Variants in TOM1 observed in about 807,000 individuals in gnomAD.
The protein encoded by TOM1 is target of Myb protein 1.
TOM1 carries 38 observed loss-of-function variants against 61.3 expected under a neutral mutation model. That is an observed-to-expected ratio of 0.62 (90% CI 0.48 to 0.81). The LOEUF (loss-of-function observed/expected upper bound fraction) is 0.81. Ranked by LOEUF, TOM1 falls within the 40% of genes least tolerant of loss-of-function variation. The pLI, the probability that TOM1 is intolerant of heterozygous loss-of-function variation, is 0.00. For missense variants in TOM1, 591 were observed against 659.6 expected (o/e 0.90, Z 1.14); for synonymous variants, 270 against 268.8 (o/e 1.00, Z -0.04).
chr22:35,339,912 A>C lies in TOM1; in HGVS notation c.1224+1124A>C, dbSNP rs1163893023. On this transcript the variant is annotated intron_variant, in intron 12 of 14. Coordinates refer to ENST00000449058, the MANE Select transcript of TOM1 (RefSeq NM_005488.3). Reference sequence around the variant, plus strand: ...GAGCGAGACTCCGTCTCAAAAAAAAAAAAAAGAGCGGACCCTAAAGCAGCG... The same window carrying C: ...GAGCGAGACTCCGTCTCAAAAAAAACAAAAAGAGCGGACCCTAAAGCAGCG... Among the ~76,000 whole-genome samples the C allele has an allele frequency of 5.9e-5, 9 of 151,620 alleles. No individual in the cohort carries two copies. In the South Asian group the frequency reaches 6.2e-4, roughly 11 times the overall value.
At position 35,323,408 on chromosome 22, in the gene TOM1, A is replaced by G. The variant is rs1000147599; in HGVS notation, c.367-88A>G. 14 of 1,513,670 alleles carry G rather than the reference A, an allele frequency of 9.2e-6. No individual in the cohort carries two copies. The highest frequency in any genetic ancestry group is 1.2e-5 in the Non-Finnish European group (14 of 1,128,432). 93.8% of individuals were successfully genotyped at this position (1,513,670 alleles called of 1,614,324 possible). A position where few individuals can be genotyped will look rare whatever the true frequency, so the allele number is the denominator to read the frequency against. On this transcript the variant is annotated intron_variant, in intron 4 of 14. Coordinates refer to ENST00000449058, the MANE Select transcript of TOM1 (RefSeq NM_005488.3). This position sits in a 1 kb window ranked among gnomAD's most constrained non-coding sequence, Gnocchi z 4.2. ...GTTAAAAAAAAAAAAAAAGCAGGGA[A>G]AGAATGTCTGTTCTCTGTCTGAGTG...
chr22:35,305,444 G>A (rs1003520276), intron 1 of TOM1, among the ~76,000 whole-genome samples: 2 of 152,118 alleles, frequency 1.3e-5, no homozygotes, highest in South Asian at 2.1e-4. Flanking sequence ...GGTGGATCAC[G>A]AGGTCAAGAA....
At chr22:35,299,832 T>G (rs1174737652), upstream of TOM1, 24 of 1,386,136 alleles carry the variant, frequency 1.7e-5, no homozygotes, top group South Asian at 6.2e-5. Flanking sequence ...CGCCCACGCC[T>G]CCTCGCCGGC....
chr22:35,312,961 C>G (rs1393223297), intron 1 of TOM1, among the ~76,000 whole-genome samples: 1 of 152,174 alleles, frequency 6.6e-6, no homozygotes, highest in Non-Finnish European at 1.5e-5. Flanking sequence ...TGAGCCAGAG[C>G]TGTCTCAGTG....
Position 35,330,423 on chromosome 22 carries a change from CAGA to C in TOM1, c.843_845del (p.Glu283del), listed in dbSNP as rs773398404. 3.7e-6 allele frequency: 6 copies of C among 1,613,318 alleles called. No homozygotes were observed. Among genetic ancestry groups the C allele is most frequent in the Non-Finnish European group, 4.2e-6 (5 of 1,179,544 alleles). ...CCTCAGATCGCCAATGAGCAGCTGA[CAGA>C]GGAGCTGCTCATCGTCAATGACAAT... On this transcript the variant is annotated inframe_deletion, in exon 8 of 15. Coordinates refer to ENST00000449058, the MANE Select transcript of TOM1 (RefSeq NM_005488.3).
At chr22:35,316,932 G>A (rs1431781299) in intron 1 of TOM1, among the ~76,000 whole-genome samples, 1 of 151,946 alleles carries the variant, frequency 6.6e-6, no homozygotes, top group Non-Finnish European at 1.5e-5. Flanking sequence ...TGGGTGGCTC[G>A]GCATCGGTCC....
Position 35,323,350 on chromosome 22 carries a change from G to C in TOM1, c.367-146G>C. The C allele has an allele frequency of 7.4e-7, 1 of 1,349,200 alleles. No homozygotes were observed. 83.6% of individuals were successfully genotyped at this position (1,349,200 alleles called of 1,614,324 possible). A position where few individuals can be genotyped will look rare whatever the true frequency, so the allele number is the denominator to read the frequency against. On this transcript the variant is annotated intron_variant, in intron 4 of 14. Coordinates refer to ENST00000449058, the MANE Select transcript of TOM1 (RefSeq NM_005488.3). The surrounding 1 kb of genome is among the most constrained non-coding windows in gnomAD (Gnocchi z 4.2). ...GTGGGGAGGGAGGCTTGCCAACTGC[G>C]TGCTTTGCTGTGGAGTGGGCAGGGC...
intron 12 of TOM1, among the ~76,000 whole-genome samples, chr22:35,340,884 C>T (rs1373494561): frequency 6.6e-6 from 1 of 152,230 alleles, no homozygotes; most frequent in Non-Finnish European, 1.5e-5. Context: ...ATTCCCAAGT[C>T]AGAACAGGGC....
chr22:35,342,729 C>G (rs530423334), intron 12 of TOM1, among the ~76,000 whole-genome samples: 1 of 151,222 alleles, frequency 6.6e-6, no homozygotes, highest in South Asian at 2.1e-4. Flanking sequence ...CCTCCACACA[C>G]CACACCTCCA....
chr22:35,323,398 AAAG>A lies in TOM1; in HGVS notation c.367-97_367-95del. 1 of 1,496,474 alleles carries A rather than the reference AAAG, an allele frequency of 6.7e-7. No individual in the cohort carries two copies. Among genetic ancestry groups the A allele is most frequent in the South Asian group, 1.3e-5 (1 of 78,136 alleles). 92.7% of individuals were successfully genotyped at this position (1,496,474 alleles called of 1,614,324 possible). On this transcript the variant is annotated intron_variant, in intron 4 of 14. Coordinates refer to ENST00000449058, the MANE Select transcript of TOM1 (RefSeq NM_005488.3). This position sits in a 1 kb window ranked among gnomAD's most constrained non-coding sequence, Gnocchi z 4.2. ...GGCAGATGTAGTTAAAAAAAAAAAA[AAAG>A]CAGGGAAAGAATGTCTGTTCTCTGT...
intron 8 of TOM1, among the ~76,000 whole-genome samples, chr22:35,332,258 C>A (rs1199975320): frequency 6.6e-6 from 1 of 152,068 alleles, no homozygotes; most frequent in African/African-American, 2.4e-5. Flanking sequence ...GACTGAGGGG[C>A]CCCATCTGGT....
In TOM1 at chr22:35,317,669, G is replaced by A. The variant is rs557130241; in HGVS notation, c.53-208G>A. ...ATCCATTGAAGAGCAGAGGTACTCCGGCCTCAGTGGCTACAAGAATCTAGT... is the reference window on the plus strand; with the variant it reads ...ATCCATTGAAGAGCAGAGGTACTCCAGCCTCAGTGGCTACAAGAATCTAGT... On this transcript the variant is annotated intron_variant, in intron 1 of 14. Coordinates refer to ENST00000449058, the MANE Select transcript of TOM1 (RefSeq NM_005488.3). Among the ~76,000 whole-genome samples the A allele has an allele frequency of 3.3e-5, 5 of 152,026 alleles. No homozygotes were observed. The East Asian group carries it at 7.7e-4, about 23-fold the overall frequency.
chr22:35,343,124 C>CCA (rs1166673154), intron 12 of TOM1, among the ~76,000 whole-genome samples: 1 of 129,934 alleles, frequency 7.7e-6, no homozygotes, highest in East Asian at 2.5e-4. Flanking sequence ...CCCACACACA[C>CCA]CACACACACA....
intron 2 of TOM1, among the ~76,000 whole-genome samples, chr22:35,321,157 C>T (rs1455083246): frequency 6.6e-5 from 10 of 151,916 alleles, no homozygotes; most frequent in Non-Finnish European, 1.0e-4. Flanking sequence ...TGAGACCAGC[C>T]TGGGCAACAT....
At chr22:35,327,239 C>T in intron 6 of TOM1, 32 bp from the exon 7 acceptor site, 1 of 1,599,502 alleles carries the variant, frequency 6.3e-7, no homozygotes, top group Non-Finnish European at 8.6e-7. Flanking sequence ...AGAACCCTGG[C>T]TTCTCTCACC....
At position 35,323,371 on chromosome 22, in the gene TOM1, AG is replaced by A; in HGVS notation, c.367-122del. 7.3e-6 allele frequency: 10 copies of A among 1,375,866 alleles called. 1 individual carries two copies. The South Asian group carries it at 1.3e-4, about 18-fold the overall frequency. 85.2% of individuals were successfully genotyped at this position (1,375,866 alleles called of 1,614,324 possible). ...CTGCGTGCTTTGCTGTGGAGTGGGC[AG>A]GGCAGATGTAGTTAAAAAAAAAAAA... On this transcript the variant is annotated intron_variant, in intron 4 of 14. Transcript: ENST00000449058. The surrounding 1 kb of genome is among the most constrained non-coding windows in gnomAD (Gnocchi z 4.2).
chr22:35,343,704 TAC>T (rs1180046850), intron 12 of TOM1, among the ~76,000 whole-genome samples: 913 of 60,222 alleles, frequency 0.015, 8 homozygotes, highest in African/African-American at 0.051. Flanking sequence ...CTCATACACC[TAC>T]ACACACACCA....
rs201071632 is a variant in TOM1 at position 35,347,094 on chromosome 22, A to G, written c.1364A>G (p.Asp455Gly). 2 of 1,612,086 alleles carry G rather than the reference A, an allele frequency of 1.2e-6. No individual in the cohort carries two copies. The highest frequency in any genetic ancestry group is 1.3e-5 in the African/African-American group (1 of 74,950). Residue 455 changes from aspartate to glycine, a missense_variant, in exon 15 of 15, where the codon GAC becomes GGC. Physicochemically the swap from Asp to Gly is moderately conservative, Grantham distance 94. Coordinates refer to ENST00000449058, the MANE Select transcript of TOM1 (RefSeq NM_005488.3). ...KFLEERAKAA[D>G]RLPNLSSPSA... ...CTGGAAGAACGGGCCAAAGCCGCGG[A>G]CCGATTGCCCAACCTCTCCAGCCCC...
intron 11 of TOM1, among the ~76,000 whole-genome samples, chr22:35,337,715 C>T (rs138795): frequency 0.5 from 75,443 of 152,158 alleles, 20,517 homozygotes; most frequent in South Asian, 0.63. Flanking sequence ...TTAGACCAGC[C>T]CCGCTTCACT....
Sources: gnomAD v4.1 joint callset for allele counts (sites outside exome capture counted in the v4.1 genomes callset) on GRCh38, gnomAD v4.1.1 for gene constraint, Gnocchi (gnomAD v3.1) non-coding constraint, MANE v1.5 for transcripts, NCBI Gene and HGNC (gene_info 2026-07-23, HGNC 2026-07-21) for gene names.